Variants in CD8B2 observed in about 807,000 individuals in gnomAD.
CD8B2 encodes CD8B family member 2.
Under a neutral mutation model 23.7 loss-of-function variants are expected in CD8B2, and 11 were observed. The ratio of observed to expected loss-of-function variants is 0.46; its 90% confidence interval spans 0.29 to 0.77. CD8B2 has a LOEUF of 0.77. Among genes scored for constraint, CD8B2 ranks in the 30% least tolerant of loss-of-function variants. The pLI is 0.09. For synonymous variants in CD8B2, 90 were observed against 109.3 expected, an observed-to-expected ratio of 0.82 and a Z score of 1.10; for missense variants, 197 against 270.5, an observed-to-expected ratio of 0.73 and a Z score of 1.91.
intron 5 of CD8B2, chr2:106,543,911 G>A (rs1385351940): frequency 2.5e-6 from 1 of 397,994 alleles, no homozygotes; most frequent in African/African-American, 2.1e-5. Context: ...TACACTGAAA[G>A]TTTTGTGATG....
intron 3 of CD8B2, among the ~76,000 whole-genome samples, chr2:106,500,460 G>A (rs186398187): frequency 0.011 from 1,642 of 150,126 alleles, 46 homozygotes; most frequent in East Asian, 0.076. Context: ...CAGAGGTTGC[G>A]GTGAGCCCAG....
intron 5 of CD8B2, among the ~76,000 whole-genome samples, chr2:106,542,587 G>A (rs1370509925): frequency 2.0e-5 from 3 of 149,806 alleles, no homozygotes; most frequent in Non-Finnish European, 1.5e-5. Context: ...CCAGAAGGAT[G>A]TAAAGAAATC....
downstream of CD8B2, among the ~76,000 whole-genome samples, chr2:106,514,391 G>T (rs1010511303): frequency 1.3e-5 from 2 of 151,012 alleles, no homozygotes; most frequent in South Asian, 4.2e-4. Context: ...GGGTTCAAGC[G>T]ATTCTCCTGC....
intron 5 of CD8B2, among the ~76,000 whole-genome samples, chr2:106,524,419 G>A (rs769789792): frequency 3.3e-5 from 5 of 152,190 alleles, no homozygotes; most frequent in Non-Finnish European, 7.3e-5. Flanking sequence ...CTCTCCTTCT[G>A]TTGAAGGGTG....
chr2:106,506,709 C>T (rs1246401806), intron 5 of CD8B2, among the ~76,000 whole-genome samples: 1 of 151,160 alleles, frequency 6.6e-6, no homozygotes, highest in Non-Finnish European at 1.5e-5. Flanking sequence ...TTCAAAGCTA[C>T]CGTTCTTTGA....
chr2:106,537,504 C>T (rs1680107914), intron 5 of CD8B2, among the ~76,000 whole-genome samples: 3 of 151,858 alleles, frequency 2.0e-5, no homozygotes, highest in Admixed American at 2.0e-4. Flanking sequence ...CACAGAAATC[C>T]CCAAATGAGG....
chr2:106,487,847 G>C (rs886955401), intron 1 of CD8B2, among the ~76,000 whole-genome samples: 1 of 152,154 alleles, frequency 6.6e-6, no homozygotes, highest in Non-Finnish European at 1.5e-5. Context: ...AGGTTGGCCA[G>C]GCCGTGGGTC....
In CD8B2 at chr2:106,531,774, G is replaced by A. The variant is rs542583806; in HGVS notation, c.621-12218G>A. On this transcript the variant is annotated intron_variant, in intron 5 of 5. Coordinates refer to the CD8B2 transcript ENST00000416057. Reference sequence around the variant, plus strand: ...CAGCACAGATTCTTTAAAGTGTCCTGCACTTTCTTCCCCAACCTTTTCCTC... The same window carrying A: ...CAGCACAGATTCTTTAAAGTGTCCTACACTTTCTTCCCCAACCTTTTCCTC... 6.6e-5 allele frequency among the ~76,000 whole-genome samples: 10 copies of A among 152,290 alleles called. 1 individual carries two copies. The South Asian group carries it at 2.1e-3, about 32-fold the overall frequency.
At chr2:106,513,754 G>T (rs1173361378), downstream of CD8B2, among the ~76,000 whole-genome samples, 1 of 152,142 alleles carries the variant, frequency 6.6e-6, no homozygotes, top group Non-Finnish European at 1.5e-5. Context: ...AAGTTTGGGG[G>T]ACATGGGGAG....
In CD8B2 at chr2:106,490,927, A is replaced by G; in HGVS notation, c.97A>G (p.Thr33Ala). 1 of 1,611,730 alleles carries G rather than the reference A, an allele frequency of 6.2e-7. No individual in the cohort carries two copies. The highest frequency in any genetic ancestry group is 8.5e-7 in the Non-Finnish European group (1 of 1,178,728). The change falls in exon 2 of 6, where the codon ACC (threonine) becomes GCC (alanine). Residue 33 changes from threonine to alanine, a missense_variant. Transcript: ENST00000643224. The part of the protein sequence containing the change: ...QQTPAYIKVQ[T>A]NKMVMLSCEA... ...GACCCCTGCATACATAAAGGTGCAA[A>G]CCAACAAGATGGTGATGCTGTCCTG...
rs1181778115 is a variant in CD8B2, at chr2:106,491,145, C to T, written c.315C>T (p.Ser105=). 39 of 1,613,844 alleles carry T rather than the reference C, an allele frequency of 2.4e-5. No individual in the cohort carries two copies. Among genetic ancestry groups the T allele is most frequent in the African/African-American group, 5.3e-5 (4 of 75,046 alleles). Residue 105 remains serine, a synonymous_variant, in exon 2 of 6, where the codon AGC becomes AGT. Transcript: ENST00000643224. ...DASRFILNLT[S]VKPEDSGIYF... ...GCCGGTTCATTCTCAATCTCACAAGCGTGAAGCCGGAGGACAGTGGCATCT... is the reference window on the plus strand; with the variant it reads ...GCCGGTTCATTCTCAATCTCACAAGTGTGAAGCCGGAGGACAGTGGCATCT...
intron 5 of CD8B2, among the ~76,000 whole-genome samples, chr2:106,519,388 G>C (rs1293509844): frequency 1.3e-5 from 2 of 152,194 alleles, no homozygotes; most frequent in Admixed American, 1.3e-4. Flanking sequence ...TTTGACTTCT[G>C]AGTCTCAAAC....
chr2:106,523,308 T>C (rs1022837247), intron 5 of CD8B2, among the ~76,000 whole-genome samples: 8 of 152,154 alleles, frequency 5.3e-5, no homozygotes, highest in African/African-American at 1.7e-4. Flanking sequence ...ATTTCCTCTT[T>C]GAGCCCCAAG....
Position 106,510,788 on chromosome 2 carries a change from A to C in CD8B2, c.*3848A>C, listed in dbSNP as rs1340574204. The C allele has an allele frequency of 6.6e-6, 1 of 152,068 alleles. No individual in the cohort carries two copies. The highest frequency in any genetic ancestry group is 1.5e-5 in the Non-Finnish European group (1 of 68,012). 9.4% of individuals were successfully genotyped at this position (152,068 alleles called of 1,614,324 possible). On this transcript the variant is annotated 3_prime_UTR_variant, in exon 6 of 6. Transcript: ENST00000643224. ...GTTTTTTTTTCTTCCCATATTTTTT[A>C]AAACATAAAATTGAAATCTCGAGAA...
chr2:106,513,890 T>C (rs1453407679), downstream of CD8B2, among the ~76,000 whole-genome samples: 1 of 152,184 alleles, frequency 6.6e-6, no homozygotes, highest in African/African-American at 2.4e-5. Flanking sequence ...GTACCTACCC[T>C]GCAGCCACAC....
intron 3 of CD8B2, among the ~76,000 whole-genome samples, chr2:106,497,149 T>A (rs1679314847): frequency 6.6e-6 from 1 of 152,150 alleles, no homozygotes; most frequent in African/African-American, 2.4e-5. Flanking sequence ...TGGTGGCACA[T>A]GCCTGTAGTC....
At position 106,506,360 on chromosome 2, in the gene CD8B2, T is replaced by C. The variant is rs1679505574; in HGVS notation, c.621-568T>C. ...GCAGGGAAGGGGCTCTGGGTGGTCG[T>C]GGGGGGACCCTGAGACCTCCTCACT... On this transcript the variant is annotated intron_variant, in intron 5 of 5. Transcript: ENST00000643224. Among the ~76,000 whole-genome samples the C allele has an allele frequency of 5.3e-5, 8 of 152,090 alleles. 1 individual carries two copies. The South Asian group carries it at 1.7e-3, about 32-fold the overall frequency.
intron 5 of CD8B2, among the ~76,000 whole-genome samples, chr2:106,540,005 G>A (rs1163681357): frequency 6.6e-6 from 1 of 152,088 alleles, no homozygotes; most frequent in Non-Finnish European, 1.5e-5. Context: ...AATTTTGAGT[G>A]GAAATTATAT....
intron 5 of CD8B2, among the ~76,000 whole-genome samples, chr2:106,529,949 C>T (rs1286964240): frequency 6.6e-6 from 1 of 152,196 alleles, no homozygotes; most frequent in Non-Finnish European, 1.5e-5. Context: ...AGCAAAACCA[C>T]ATAAGTGGGA....
Sources: gnomAD v4.1 joint callset for allele counts (sites outside exome capture counted in the v4.1 genomes callset) on GRCh38, gnomAD v4.1.1 for gene constraint, MANE v1.5 for transcripts, NCBI Gene and HGNC (gene_info 2026-07-23, HGNC 2026-07-21) for gene names.